The following USP25 variants were observed in gnomAD, a reference collection of about 807,000 sequenced individuals.
USP25 encodes ubiquitin carboxyl-terminal hydrolase 25.
USP25 carries 85 observed loss-of-function variants against 158.5 expected under a neutral mutation model. That is an observed-to-expected ratio of 0.54 (90% confidence interval 0.45 to 0.64). The LOEUF is 0.64. Ranked by LOEUF, USP25 falls within the 30% of genes least tolerant of loss-of-function variation. The probability of loss-of-function intolerance (pLI) is 0.00; values close to 1 mark genes in which losing one functional copy is unlikely to be tolerated. For missense variants in USP25, 1,242 were observed against 1,327.3 expected (o/e 0.94, Z 1.00); for synonymous variants, 464 against 460.4 (o/e 1.01, Z -0.10).
At chr21:15,830,342 G>A (rs962008529) in intron 14 of USP25, among the ~76,000 whole-genome samples, 189 bp from the exon 15 acceptor site, 2 of 152,056 alleles carry the variant, frequency 1.3e-5, no homozygotes, top group Non-Finnish European at 2.9e-5. Flanking sequence ...GTATGCATTT[G>A]TACTGTGTCT....
At chr21:15,845,762 T>A (rs913362310) in intron 18 of USP25, among the ~76,000 whole-genome samples, 1 of 152,166 alleles carries the variant, frequency 6.6e-6, no homozygotes, top group Non-Finnish European at 1.5e-5. Flanking sequence ...TGAATTTACC[T>A]GTTTATATTT....
chr21:15,837,828 A>T (rs1449450027), intron 17 of USP25, among the ~76,000 whole-genome samples: 1 of 152,160 alleles, frequency 6.6e-6, no homozygotes, highest in African/African-American at 2.4e-5. Context: ...TACAAGTTAA[A>T]AATAAGCTGA....
At chr21:15,796,567 T>G (rs2035871609) in intron 5 of USP25, among the ~76,000 whole-genome samples, 2 of 151,454 alleles carry the variant, frequency 1.3e-5, no homozygotes, top group Non-Finnish European at 3.0e-5. Context: ...GACTGTGAGT[T>G]GGAATTCTAA....
At chr21:15,813,731 C>T (rs918539672) in intron 9 of USP25, among the ~76,000 whole-genome samples, 1 of 152,106 alleles carries the variant, frequency 6.6e-6, no homozygotes, top group East Asian at 1.9e-4. Context: ...TCTCTTGATT[C>T]TTATTCAAAA....
At chr21:15,753,685 C>T (rs1015376311) in intron 1 of USP25, among the ~76,000 whole-genome samples, 1 of 149,080 alleles carries the variant, frequency 6.7e-6, no homozygotes, top group Admixed American at 6.7e-5. Flanking sequence ...ATGTATGCTT[C>T]TCGTTCCTGT....
At chr21:15,752,418 A>G (rs1381430394) in intron 1 of USP25, among the ~76,000 whole-genome samples, 14 of 149,636 alleles carry the variant, frequency 9.4e-5, no homozygotes, top group African/African-American at 3.5e-4. Flanking sequence ...GTTTCACCAT[A>G]TTGGCCAGGC....
intron 1 of USP25, among the ~76,000 whole-genome samples, chr21:15,743,518 T>A (rs1460761324): frequency 6.6e-6 from 1 of 152,068 alleles, no homozygotes; most frequent in African/African-American, 2.4e-5. Flanking sequence ...GAGTCCAGGG[T>A]TTTTTTAGGT....
At chr21:15,758,429 G>A (rs1472555784) in intron 1 of USP25, among the ~76,000 whole-genome samples, 1 of 152,114 alleles carries the variant, frequency 6.6e-6, no homozygotes, top group East Asian at 1.9e-4. Context: ...TAGTGAATAA[G>A]TGTCACAAGA....
chr21:15,738,148 A>T (rs977133958), intron 1 of USP25, among the ~76,000 whole-genome samples: 6 of 152,044 alleles, frequency 3.9e-5, no homozygotes, highest in Non-Finnish European at 7.4e-5. Flanking sequence ...TTAATGCAAA[A>T]TTTTTTTCCC....
chr21:15,742,906 C>T (rs938686149), intron 1 of USP25, among the ~76,000 whole-genome samples: 2 of 152,308 alleles, frequency 1.3e-5, no homozygotes, highest in African/African-American at 2.4e-5. Context: ...CTGGGTATAC[C>T]GCATGTGGCT....
chr21:15,748,266 G>A (rs2032716862), intron 1 of USP25, among the ~76,000 whole-genome samples: 1 of 151,962 alleles, frequency 6.6e-6, no homozygotes, highest in Non-Finnish European at 1.5e-5. Flanking sequence ...CAGGTGTCAG[G>A]AACTTTCGCC....
intron 10 of USP25, among the ~76,000 whole-genome samples, chr21:15,819,952 A>G (rs1466773747): frequency 1.3e-5 from 2 of 152,094 alleles, no homozygotes; most frequent in African/African-American, 4.8e-5. Flanking sequence ...ATCGTAGATC[A>G]TCTATTTCAG....
intron 6 of USP25, among the ~76,000 whole-genome samples, chr21:15,801,140 C>G (rs1332092288): frequency 2.0e-5 from 3 of 151,530 alleles, no homozygotes; most frequent in African/African-American, 7.3e-5. Flanking sequence ...TGAGAATTAT[C>G]ATTTCTAGTT....
rs192297895 is a variant in USP25 at position 15,823,303 on chromosome 21, A to C, written c.1081-736A>C. On this transcript the variant is annotated intron_variant, in intron 10 of 25. Coordinates refer to ENST00000400183, the MANE Select transcript of USP25 (RefSeq NM_001283041.3). ...TATATGAAAATAATTTTCTTTTAAA[A>C]ATGTTGAATTTCATGCTTAATTGAA... 1.1e-4 allele frequency among the ~76,000 whole-genome samples: 17 copies of C among 152,124 alleles called. No individual in the cohort carries two copies. In the East Asian group the frequency reaches 2.5e-3, roughly 22 times the overall value.
chr21:15,810,921 T>C (rs1054128165), intron 8 of USP25, among the ~76,000 whole-genome samples: 1 of 152,170 alleles, frequency 6.6e-6, no homozygotes, highest in Non-Finnish European at 1.5e-5. Flanking sequence ...GAGAGTCCTG[T>C]GGGTGCAGCT....
rs756716957 is a variant in USP25 at position 15,826,019 on chromosome 21, CTT to C, written c.1305-183_1305-182del. Among the ~76,000 whole-genome samples, 1 of 152,102 alleles carries C rather than the reference CTT, an allele frequency of 6.6e-6. No individual in the cohort carries two copies. The highest frequency in any genetic ancestry group is 1.5e-5 in the Non-Finnish European group (1 of 68,032). ...GTCCCAATCGGCCTTGGTTTCCTGT[CTT>C]TGGGGAACTTTTAATGTTTTTCTTA... On this transcript the variant is annotated intron_variant, in intron 12 of 25. Transcript: ENST00000400183. This position sits in a 1 kb window ranked among gnomAD's most constrained non-coding sequence, Gnocchi z 4.8.
intron 1 of USP25, among the ~76,000 whole-genome samples, chr21:15,752,226 C>T (rs1026884217): frequency 5.3e-5 from 8 of 151,896 alleles, no homozygotes; most frequent in African/African-American, 1.9e-4. Context: ...AGCCACTGCA[C>T]CCTTTTTTTT....
Position 15,730,976 on chromosome 21 carries a change from G to GTTTTTTTTTT in USP25, c.45+554_45+563dup, listed in dbSNP as rs748732727. Among the ~76,000 whole-genome samples, 21 of 53,648 alleles carry GTTTTTTTTTT rather than the reference G, an allele frequency of 3.9e-4. 4 individuals are homozygous for GTTTTTTTTTT. Among genetic ancestry groups the GTTTTTTTTTT allele is most frequent in the African/African-American group, 1.4e-3 (20 of 14,572 alleles). 35.2% of individuals were successfully genotyped at this position (53,648 alleles called of 152,430 possible). ...TTTCCCTTTCTTCTTCTTCTTTTCT[G>GTTTTTTTTTT]TTTTTTTTTTTTTTTTTTTTTTTTT... On this transcript the variant is annotated intron_variant, in intron 1 of 25. Coordinates refer to ENST00000400183, the MANE Select transcript of USP25 (RefSeq NM_001283041.3).
chr21:15,821,913 T>G (rs2037255279), intron 10 of USP25, among the ~76,000 whole-genome samples: 1 of 151,978 alleles, frequency 6.6e-6, no homozygotes, highest in Admixed American at 6.6e-5. Context: ...ACAGGTGAGA[T>G]TTCTAGAATT....
Sources: allele counts gnomAD v4.1 joint callset (sites outside exome capture counted in the v4.1 genomes callset), GRCh38; gene constraint gnomAD v4.1.1; non-coding constraint Gnocchi (gnomAD v3.1); transcripts MANE v1.5; gene names NCBI Gene and HGNC (gene_info 2026-07-23, HGNC 2026-07-21).